DOCK6: variants seen among roughly 807,000 people sequenced by gnomAD.
DOCK6 encodes the protein dedicator of cytokinesis protein 6.
DOCK6 carries 167 observed loss-of-function variants against 230.3 expected under a neutral mutation model. The ratio of observed to expected loss-of-function variants is 0.73; its 90% CI spans 0.64 to 0.82. The LOEUF (loss-of-function observed/expected upper bound fraction) is 0.82, where lower values mean the gene tolerates loss of function less well. Among genes scored for constraint, DOCK6 ranks in the 40% least tolerant of loss-of-function variants. DOCK6 has a pLI of 0.00. For synonymous variants in DOCK6, 1,148 were observed against 1,185.0 expected, an observed-to-expected ratio of 0.97 and a Z score of 0.64; for missense variants, 2,598 against 2,825.8, an observed-to-expected ratio of 0.92 and a Z score of 1.83.
chr19:11,242,165 T>A lies in DOCK6; in HGVS notation c.1523A>T (p.His508Leu). The A allele has an allele frequency of 6.8e-7, 1 of 1,461,924 alleles. No individual in the cohort carries two copies. The highest frequency in any genetic ancestry group is 2.5e-5 in the East Asian group (1 of 40,142). The allele number at this position is 1,461,924 out of a possible 1,614,324, so 90.6% of individuals were successfully genotyped here. ...AAGCAGCTCAGGGGAGAGGCAGAAG[T>A]GGGGATTTTCAGGAGCCGGAGAAAT... ...IDISPAPENPHFCLSPELLHI... is the reference protein window; with the variant it reads ...IDISPAPENPLFCLSPELLHI... Residue 508 changes from histidine to leucine, a missense_variant, in exon 14 of 48, where the codon CAC becomes CTC. His to Leu is a moderately conservative substitution (Grantham distance 99). Transcript: ENST00000294618.
chr19:11,242,223 C>T lies in DOCK6; in HGVS notation c.1481-16G>A, dbSNP rs2079958433. On this transcript the variant is annotated splice_polypyrimidine_tract_variant and intron_variant, in intron 13 of 47. Coordinates refer to ENST00000294618, the MANE Select transcript of DOCK6 (RefSeq NM_020812.4). ...TTGAGCTGGGCTGGGAAGGGAAGAA[C>T]CGGTTTGCACCTGCCTGGGAGCCTC... 1.4e-6 allele frequency: 2 copies of T among 1,441,894 alleles called. No homozygotes were observed. Among genetic ancestry groups the T allele is most frequent in the Non-Finnish European group, 1.8e-6 (2 of 1,098,860 alleles). The allele number at this position is 1,441,894 out of a possible 1,614,324, so 89.3% of individuals were successfully genotyped here.
rs1466754296 is a variant in DOCK6, at chr19:11,235,628, G to A, written c.2524C>T (p.Leu842Phe). 1.2e-6 allele frequency: 2 copies of A among 1,602,510 alleles called. No individual in the cohort carries two copies. Among genetic ancestry groups the A allele is most frequent in the South Asian group, 1.1e-5 (1 of 88,892 alleles). The change falls in exon 21 of 48, where the codon CTT becomes TTT. Residue 842 changes from leucine to phenylalanine, a missense_variant. Physicochemically the swap from Leu to Phe is conservative, Grantham distance 22. Coordinates refer to ENST00000294618, the MANE Select transcript of DOCK6 (RefSeq NM_020812.4). ...GGGAGGCTGGGCTCAGTGCCAGGAAGGCGAAAGGCGTAGTGGACGTAGGCA... is the reference window on the plus strand; with the variant it reads ...GGGAGGCTGGGCTCAGTGCCAGGAAAGCGAAAGGCGTAGTGGACGTAGGCA... ...LAAYVHYAFR[L>F]PGTEPSLPDG...
Position 11,201,289 on chromosome 19 carries a change from C to T in DOCK6, c.5689-237G>A, listed in dbSNP as rs953419679. Among the ~76,000 whole-genome samples the T allele has an allele frequency of 3.3e-5, 5 of 152,048 alleles. No individual in the cohort carries two copies. Among genetic ancestry groups the T allele is most frequent in the Non-Finnish European group, 7.4e-5 (5 of 67,994 alleles). On this transcript the variant is annotated intron_variant, in intron 44 of 47. Transcript: ENST00000294618. The surrounding 1 kb of genome is among the most constrained non-coding windows in gnomAD (Gnocchi z 4.3). ...CTGGGGTCTCCAGACTTCCTTGGGT[C>T]TGGAGGTAGAGATTTGGACTGGAAG...
At chr19:11,251,661 A>C (rs1395373737) in intron 5 of DOCK6, 1 of 153,634 alleles carries the variant, frequency 6.5e-6, no homozygotes, top group Admixed American at 6.4e-5. Context: ...TGGAGGTTGC[A>C]GTGAGCTGAG....
Position 11,215,364 on chromosome 19 carries a change from G to A in DOCK6, c.4106+23C>T, listed in dbSNP as rs576459313. On this transcript the variant is annotated intron_variant, in intron 32 of 47. Transcript: ENST00000294618. ...GGCCCAAACTGTTCTGAACTCAGCA[G>A]ACACCCTCCTGCCCACACCTACTTG... is the stretch of plus-strand genomic sequence containing the variant. 25 of 1,609,490 alleles carry A rather than the reference G, an allele frequency of 1.6e-5. No individual in the cohort carries two copies. The East Asian group carries it at 5.1e-4, about 33-fold the overall frequency.
intron 24 of DOCK6, 113 bp downstream of exon 24, chr19:11,227,224 G>A (rs941241034): frequency 1.4e-6 from 2 of 1,434,462 alleles, no homozygotes; most frequent in African/African-American, 2.8e-5. Flanking sequence ...ACCCAGCAAA[G>A]TGGATTCCTG....
rs762347306 is a variant in DOCK6 at position 11,200,415 on chromosome 19, C to A, written c.5994G>T (p.Glu1998Asp). The A allele has an allele frequency of 1.2e-6, 2 of 1,610,798 alleles. No homozygotes were observed. The highest frequency in any genetic ancestry group is 1.7e-6 in the Non-Finnish European group (2 of 1,178,674). ...AGTTGCGCTCCAGCTCACGGTGGTA[C>A]TCCTTCTGGTCCGGCCCAATCAGGG... ...NKALIGPDQK[E>D]YHRELERNYC... is the part of the protein sequence containing the mutation. The change falls in exon 47 of 48, where the codon GAG (glutamate) becomes GAT (aspartate). Residue 1998 changes from glutamate to aspartate, a missense_variant. Transcript: ENST00000294618. This position sits in a 1 kb window ranked among gnomAD's most constrained non-coding sequence, Gnocchi z 4.3.
chr19:11,222,813 G>A lies in DOCK6; in HGVS notation c.3162C>T (p.Tyr1054=), dbSNP rs771470936. The A allele has an allele frequency of 2.1e-5, 33 of 1,593,380 alleles. No homozygotes were observed. Among genetic ancestry groups the A allele is most frequent in the South Asian group, 1.4e-4 (12 of 88,074 alleles). The stretch of plus-strand genomic sequence containing the variant: ...GGCAGCAGGGGAGGTTGAGGGTCAC[G>A]TAGTGCTCGTGGCTGCACAGGATGC... ...FTRILCSHEH[Y]VTLNLPCCPL... Residue 1054 remains tyrosine, a synonymous_variant, in exon 26 of 48, where the codon TAC becomes TAT. Coordinates refer to ENST00000294618, the MANE Select transcript of DOCK6 (RefSeq NM_020812.4). This position sits in a 1 kb window ranked among gnomAD's most constrained non-coding sequence, Gnocchi z 4.0.
rs748964635 is a variant in DOCK6 at position 11,242,091 on chromosome 19, G to C, written c.1597C>G (p.Leu533Val). 5.9e-6 allele frequency: 9 copies of C among 1,538,456 alleles called. No individual in the cohort carries two copies. The South Asian group carries it at 6.4e-5, about 11-fold the overall frequency. Residue 533 changes from leucine to valine, a missense_variant, in exon 14 of 48, where the codon CTG becomes GTG. Coordinates refer to ENST00000294618, the MANE Select transcript of DOCK6 (RefSeq NM_020812.4). The part of the protein sequence containing the change: ...DPRGRPTKEI[L>V]EFPAREVYAP... ...TAGACTTCGCGGGCGGGGAACTCCAGAATCTCCTTGGTGGGCCGGCCCCTG... is the reference window on the plus strand; with the variant it reads ...TAGACTTCGCGGGCGGGGAACTCCACAATCTCCTTGGTGGGCCGGCCCCTG...
intron 30 of DOCK6, 148 bp from the exon 31 acceptor site, chr19:11,216,075 C>T (rs2079481822): frequency 9.8e-7 from 1 of 1,019,572 alleles, no homozygotes; most frequent in Non-Finnish European, 1.4e-6. Context: ...ATTCTTAGCA[C>T]TTACCAAAAA....
At position 11,222,019 on chromosome 19, in the gene DOCK6, C is replaced by T; in HGVS notation, c.3382G>A (p.Ala1128Thr). ...ALALEPEAEGAFLLHKKAISA... is the reference protein window; with the variant it reads ...ALALEPEAEGTFLLHKKAISA... Reference sequence around the variant, plus strand: ...ATGGCCTTCTTGTGCAACAGGAATGCCCTATGGGGTAATGAGGTGCTCAGG... The same window carrying T: ...ATGGCCTTCTTGTGCAACAGGAATGTCCTATGGGGTAATGAGGTGCTCAGG... Residue 1128 changes from alanine (A) to threonine (T), a missense_variant and splice_region_variant, in exon 28 of 48, where the codon GCA becomes ACA. Transcript: ENST00000294618. The surrounding 1 kb of genome is among the most constrained non-coding windows in gnomAD (Gnocchi z 4.0). 2 of 1,609,912 alleles carry T rather than the reference C, an allele frequency of 1.2e-6. No homozygotes were observed. The highest frequency in any genetic ancestry group is 1.7e-6 in the Non-Finnish European group (2 of 1,176,684).
At position 11,252,934 on chromosome 19, in the gene DOCK6, G is replaced by T. The variant is rs1237004382; in HGVS notation, c.157C>A (p.Pro53Thr). ...AGAAGTACATCCTCAAAGTCCAGGG[G>T]CTCGACAACTTCAGTCAGTGGGACC... ...LGVPLTEVVE[P>T]LDFEDVLLSR... The change falls in exon 3 of 48, where the codon CCC becomes ACC. Residue 53 changes from proline (P) to threonine (T), a missense_variant. Transcript: ENST00000294618. The T allele has an allele frequency of 3.7e-6, 6 of 1,610,518 alleles. No individual in the cohort carries two copies. Among genetic ancestry groups the T allele is most frequent in the Non-Finnish European group, 5.1e-6 (6 of 1,178,434 alleles).
At chr19:11,208,665 A>T (rs1408533298) in intron 39 of DOCK6, 21 bp downstream of exon 39, 2 of 1,603,174 alleles carry the variant, frequency 1.2e-6, no homozygotes, top group Non-Finnish European at 1.7e-6. Flanking sequence ...CCTCTCCTGC[A>T]CCCAGTCCCC....
chr19:11,225,817 G>A (rs943829157), intron 24 of DOCK6, among the ~76,000 whole-genome samples: 5 of 148,748 alleles, frequency 3.4e-5, no homozygotes, highest in Non-Finnish European at 7.4e-5. Flanking sequence ...AAGCCCTTGA[G>A]CTCAGGAGTT....
chr19:11,219,313 A>T (rs1279622254), intron 28 of DOCK6, among the ~76,000 whole-genome samples: 3 of 147,738 alleles, frequency 2.0e-5, no homozygotes, highest in African/African-American at 7.6e-5. Flanking sequence ...CATCCTAAGT[A>T]GCTGGGATTA....
intron 14 of DOCK6, 73 bp from the exon 15 acceptor site, chr19:11,238,377 G>A (rs1342842170): frequency 8.6e-6 from 12 of 1,395,620 alleles, no homozygotes; most frequent in Non-Finnish European, 1.2e-5. Flanking sequence ...GGGGTGATGG[G>A]ACAAGGCTGG....
At chr19:11,206,821 G>A (rs2079268772) in intron 39 of DOCK6, among the ~76,000 whole-genome samples, 1 of 130,852 alleles carries the variant, frequency 7.6e-6, no homozygotes, top group Admixed American at 8.2e-5. Context: ...GAAAATAGCT[G>A]GGATTTGTGG....
At chr19:11,220,927 C>T (rs2079569191) in intron 28 of DOCK6, among the ~76,000 whole-genome samples, 1 of 151,410 alleles carries the variant, frequency 6.6e-6, no homozygotes, top group Non-Finnish European at 1.5e-5. Flanking sequence ...CGTGTTCATG[C>T]CATTCTCCTG....
Position 11,236,406 on chromosome 19 carries a change from G to A in DOCK6, c.2332C>T (p.His778Tyr). Residue 778 changes from histidine (H) to tyrosine (Y), a missense_variant, in exon 20 of 48, where the codon CAC becomes TAC. His to Tyr is a moderately conservative substitution (Grantham distance 83). Transcript: ENST00000294618. The surrounding 1 kb of genome is among the most constrained non-coding windows in gnomAD (Gnocchi z 5.2). ...AGACGCACGAGCTTGTCCAGCACGT[G>A]GTGGGAGAAGGCCACAAGGGGTTCG... ...SPEPLVAFSH[H>Y]VLDKLVRLVI... The A allele has an allele frequency of 6.3e-7, 1 of 1,587,930 alleles. No homozygotes were observed. Among genetic ancestry groups the A allele is most frequent in the Non-Finnish European group, 8.6e-7 (1 of 1,167,652 alleles).
Sources: gnomAD v4.1 joint callset for allele counts (sites outside exome capture counted in the v4.1 genomes callset) on GRCh38, gnomAD v4.1.1 for gene constraint, Gnocchi (gnomAD v3.1) non-coding constraint, MANE v1.5 for transcripts, NCBI Gene and HGNC (gene_info 2026-07-23, HGNC 2026-07-21) for gene names.